The following TRMT11 variants were observed in gnomAD, a reference collection of about 807,000 sequenced individuals.
TRMT11 encodes tRNA methyltransferase 11.
Under a neutral mutation model 62.8 loss-of-function variants are expected in TRMT11, and 53 were observed. The observed-to-expected ratio is 0.84, with a 90% CI of 0.68 to 1.06. The LOEUF is 1.06. Among genes scored for constraint, TRMT11 ranks in the 50% least tolerant of loss-of-function variants. The pLI is 0.00. For synonymous variants in TRMT11, 188 were observed against 190.3 expected, an observed-to-expected ratio of 0.99 and a Z score of 0.10; for missense variants, 556 against 553.4, an observed-to-expected ratio of 1.00 and a Z score of -0.05.
At chr6:126,208,922 C>T in the TRMT11 span, among the ~76,000 whole-genome samples, 1 of 152,172 alleles carries the variant, frequency 6.6e-6, no homozygotes, top group East Asian at 1.9e-4. Context: ...CAACACAGTT[C>T]AAGTGTTTGA....
At chr6:126,076,088 T>C (rs1245970859) in intron 17 of TRMT11, among the ~76,000 whole-genome samples, 1 of 151,296 alleles carries the variant, frequency 6.6e-6, no homozygotes, top group East Asian at 1.9e-4. Context: ...CTTAGTGTGC[T>C]ATTAAGGTTA....
downstream of TRMT11, among the ~76,000 whole-genome samples, chr6:126,041,515 A>C (rs1775879829): frequency 6.6e-6 from 1 of 152,140 alleles, no homozygotes; most frequent in African/African-American, 2.4e-5. Context: ...ATATTATCAA[A>C]TATTGCTTAT....
At chr6:126,154,585 A>C (rs1023892462) in intron 21 of TRMT11, among the ~76,000 whole-genome samples, 4 of 152,148 alleles carry the variant, frequency 2.6e-5, no homozygotes, top group Admixed American at 2.0e-4. Flanking sequence ...AATTTGATCC[A>C]GTTGATTTTT....
intron 21 of TRMT11, among the ~76,000 whole-genome samples, chr6:126,119,444 A>G: frequency 6.6e-6 from 1 of 150,940 alleles, no homozygotes. Flanking sequence ...CTTAGTGTGC[A>G]GTGTGCTTGA....
chr6:126,062,423 G>A (rs905637774), intron 17 of TRMT11, among the ~76,000 whole-genome samples: 1 of 152,162 alleles, frequency 6.6e-6, no homozygotes, highest in Non-Finnish European at 1.5e-5. Context: ...ATTGTAATAT[G>A]TATATATCTG....
At chr6:126,040,801 A>G (rs977596761), downstream of TRMT11, among the ~76,000 whole-genome samples, 1 of 152,094 alleles carries the variant, frequency 6.6e-6, no homozygotes, top group Non-Finnish European at 1.5e-5. Flanking sequence ...CCAGACGGTT[A>G]CCTTGGTGGT....
At chr6:126,036,322 G>T (rs1374949130) in intron 12 of TRMT11, among the ~76,000 whole-genome samples, 1 of 152,102 alleles carries the variant, frequency 6.6e-6, no homozygotes, top group Non-Finnish European at 1.5e-5. Flanking sequence ...TAGCCAAGCG[G>T]TTGGCATATT....
chr6:126,097,264 C>T (rs1777351363), intron 17 of TRMT11, among the ~76,000 whole-genome samples: 2 of 152,144 alleles, frequency 1.3e-5, no homozygotes, highest in Admixed American at 6.5e-5. Context: ...CTTTCTGCCT[C>T]AGCCACTCTG....
chr6:126,226,747 T>G, the TRMT11 span, among the ~76,000 whole-genome samples: 1 of 152,248 alleles, frequency 6.6e-6, no homozygotes, highest in African/African-American at 2.4e-5. Context: ...ATTCCTCATT[T>G]TAAAATATAC....
At chr6:126,267,829 G>T in the TRMT11 span, among the ~76,000 whole-genome samples, 1 of 152,124 alleles carries the variant, frequency 6.6e-6, no homozygotes, top group East Asian at 1.9e-4. Context: ...GACCTCTCCT[G>T]TTCCTTGTTT....
chr6:126,096,744 G>A (rs796330424), intron 17 of TRMT11, among the ~76,000 whole-genome samples: 1 of 152,046 alleles, frequency 6.6e-6, no homozygotes, highest in African/African-American at 2.4e-5. Context: ...TTCACTGAGG[G>A]ATGATTTCAC....
chr6:126,257,425 A>G, the TRMT11 span, among the ~76,000 whole-genome samples: 8 of 152,008 alleles, frequency 5.3e-5, no homozygotes, highest in Non-Finnish European at 1.0e-4. Context: ...GAATTTTTAC[A>G]TCTATGTTCA....
intron 17 of TRMT11, among the ~76,000 whole-genome samples, chr6:126,059,045 C>CTTTTTT (rs1036996695): frequency 1.6e-4 from 20 of 128,118 alleles, no homozygotes; most frequent in South Asian, 4.8e-4. Context: ...CTCTACTTAT[C>CTTTTTT]TTTTTTTTTT....
chr6:126,021,416 C>A, intron 12 of TRMT11, 136 bp downstream of exon 12: 1 of 1,102,322 alleles, frequency 9.1e-7, no homozygotes, highest in Non-Finnish European at 1.3e-6. Context: ...TAGGAAGAGG[C>A]AGAAGTTGAA....
chr6:126,118,871 C>T (rs1236195790), intron 21 of TRMT11, among the ~76,000 whole-genome samples: 3 of 152,036 alleles, frequency 2.0e-5, no homozygotes, highest in African/African-American at 7.2e-5. Context: ...CATTTCTTTT[C>T]CCCCTTTGTA....
chr6:126,188,799 C>G (rs1778557322), intron 1 of TRMT11, among the ~76,000 whole-genome samples: 1 of 152,058 alleles, frequency 6.6e-6, no homozygotes, highest in African/African-American at 2.4e-5. Flanking sequence ...GTCTTACAAC[C>G]AATTTCAAAA....
At chr6:126,251,628 C>G in the TRMT11 span, among the ~76,000 whole-genome samples, 7 of 152,280 alleles carry the variant, frequency 4.6e-5, no homozygotes, top group East Asian at 1.4e-3. Context: ...TCTAATCCAC[C>G]TCTCTGTCCC....
chr6:125,987,806 G>A (rs1789915328), intron 1 of TRMT11, among the ~76,000 whole-genome samples: 2 of 152,228 alleles, frequency 1.3e-5, no homozygotes, highest in Non-Finnish European at 2.9e-5. Flanking sequence ...AACATAGGCA[G>A]ATGTAAGATT....
rs530601156 is a variant in TRMT11, at chr6:126,110,682, G to C, written c.*1438-2184G>C. Among the ~76,000 whole-genome samples the C allele has an allele frequency of 2.0e-4, 31 of 152,230 alleles. No homozygotes were observed. In the South Asian group the frequency reaches 6.4e-3, roughly 32 times the overall value. On this transcript the variant is annotated intron_variant and NMD_transcript_variant, in intron 17 of 22. Coordinates refer to the TRMT11 transcript ENST00000648977. The stretch of plus-strand genomic sequence containing the variant: ...AAACCATAGAAACATGTGCGTGTGT[G>C]TGTGTGCATGTGCGTGCACACACAC...
Sources: gnomAD v4.1 joint callset for allele counts (sites outside exome capture counted in the v4.1 genomes callset) on GRCh38, gnomAD v4.1.1 for gene constraint, MANE v1.5 for transcripts, NCBI Gene and HGNC (gene_info 2026-07-23, HGNC 2026-07-21) for gene names.